EYS: variants seen among roughly 807,000 people sequenced by gnomAD.
EYS encodes the protein EGF-like photoreceptor maintenance factor, also known as protein eyes shut homolog.
EYS carries 250 observed loss-of-function variants against 282.1 expected under a neutral mutation model. That is an observed-to-expected ratio of 0.89 (90% CI 0.80 to 0.98). EYS has a LOEUF of 0.98. EYS is among the 50% of genes least tolerant of loss of function. EYS has a pLI of 0.00. For missense variants in EYS, 4,016 were observed against 3,709.0 expected (o/e 1.08, Z -2.15); for synonymous variants, 1,355 against 1,282.9 (o/e 1.06, Z -1.20).
chr6:65,603,742 G>C (rs1370094906), intron 2 of EYS, among the ~76,000 whole-genome samples: 1 of 150,624 alleles, frequency 6.6e-6, no homozygotes, highest in Non-Finnish European at 1.5e-5. Context: ...AAACATTTTA[G>C]GTTTCTATTC....
chr6:63,892,884 G>GA (rs1227934709), intron 35 of EYS, among the ~76,000 whole-genome samples: 2 of 151,890 alleles, frequency 1.3e-5, no homozygotes, highest in African/African-American at 2.4e-5. Context: ...AAATTTACAA[G>GA]AAAAAAACCA....
intron 33 of EYS, among the ~76,000 whole-genome samples, chr6:64,033,852 A>C (rs1398114273): frequency 2.0e-5 from 3 of 151,880 alleles, no homozygotes; most frequent in African/African-American, 4.8e-5. Context: ...CTCTCTATAT[A>C]TATATATATA....
intron 15 of EYS, among the ~76,000 whole-genome samples, chr6:64,923,081 G>T (rs1562260503): frequency 6.6e-6 from 1 of 152,070 alleles, no homozygotes; most frequent in African/African-American, 2.4e-5. Flanking sequence ...ATTTGGCTTT[G>T]CTTCTGGGTA....
At chr6:65,196,938 GGGTGCCAGCAGTGA>G (rs749374985) in intron 12 of EYS, among the ~76,000 whole-genome samples, 8 of 152,050 alleles carry the variant, frequency 5.3e-5, no homozygotes, top group Non-Finnish European at 8.8e-5. Flanking sequence ...GGCTGCAATG[GGGTGCCAGCAGTGA>G]GTTAGTCAAA....
intron 22 of EYS, among the ~76,000 whole-genome samples, chr6:64,641,448 T>C (rs893549484): frequency 6.6e-6 from 1 of 152,122 alleles, no homozygotes; most frequent in Non-Finnish European, 1.5e-5. Flanking sequence ...GTTTGCCAAC[T>C]TTACATGGTA....
intron 31 of EYS, among the ~76,000 whole-genome samples, chr6:64,154,701 CAATTTTAA>C (rs1562228258): frequency 1.3e-5 from 2 of 151,784 alleles, no homozygotes; most frequent in African/African-American, 4.8e-5. Context: ...TTAAAGACAA[CAATTTTAA>C]AATTTTAAAA....
intron 31 of EYS, among the ~76,000 whole-genome samples, chr6:64,143,154 C>T (rs1774394458): frequency 6.6e-6 from 1 of 151,876 alleles, no homozygotes; most frequent in South Asian, 2.1e-4. Flanking sequence ...TCCGTGGTTG[C>T]CAAAGGATGA....
At chr6:64,736,972 A>T (rs1323320463) in intron 22 of EYS, among the ~76,000 whole-genome samples, 1 of 152,196 alleles carries the variant, frequency 6.6e-6, no homozygotes, top group Non-Finnish European at 1.5e-5. Flanking sequence ...TTACCTTATG[A>T]TGTTTCATTG....
At chr6:63,990,500 C>T (rs529854237) in intron 34 of EYS, among the ~76,000 whole-genome samples, 2 of 151,792 alleles carry the variant, frequency 1.3e-5, no homozygotes, top group South Asian at 2.1e-4. Context: ...CATGCAGACT[C>T]TTTGGGGAGC....
intron 22 of EYS, among the ~76,000 whole-genome samples, chr6:64,681,903 T>C (rs942869262): frequency 6.6e-6 from 1 of 152,162 alleles, no homozygotes; most frequent in Non-Finnish European, 1.5e-5. Flanking sequence ...TCCTTGGGAA[T>C]ACATGTTTTT....
chr6:64,225,165 T>C (rs1387442538), intron 31 of EYS, among the ~76,000 whole-genome samples: 2 of 152,076 alleles, frequency 1.3e-5, no homozygotes, highest in Non-Finnish European at 1.5e-5. Context: ...TTGATACATT[T>C]TCTAAGCTGA....
intron 2 of EYS, among the ~76,000 whole-genome samples, chr6:65,564,162 A>C (rs1437149775): frequency 2.6e-5 from 4 of 152,174 alleles, no homozygotes; most frequent in Non-Finnish European, 5.9e-5. Flanking sequence ...GCTCATAGAT[A>C]GGAATAACCA....
chr6:64,022,473 A>G (rs1214223691), intron 33 of EYS, among the ~76,000 whole-genome samples: 4 of 152,190 alleles, frequency 2.6e-5, no homozygotes, highest in African/African-American at 9.7e-5. Flanking sequence ...TACTTTTATA[A>G]TGTTATGCAA....
chr6:63,726,788 C>T lies in EYS; in HGVS notation c.8072-108G>A, dbSNP rs73441048. 2,397 of 1,033,212 alleles carry T rather than the reference C, an allele frequency of 2.3e-3. 43 individuals are homozygous for T. The African/African-American group carries it at 0.035, about 15-fold the overall frequency. 64.0% of individuals were successfully genotyped at this position (1,033,212 alleles called of 1,614,324 possible). A position where few individuals can be genotyped will look rare whatever the true frequency, so the allele number is the denominator to read the frequency against. ...GTAATTTTGTAATTTCAGGATTTAT[C>T]GCCCAAGAGTTGCTTGTAGGTGAGT... On this transcript the variant is annotated intron_variant, in intron 41 of 42. Transcript: ENST00000503581.
chr6:64,244,946 T>G (rs1253439211), intron 30 of EYS, among the ~76,000 whole-genome samples: 1 of 152,036 alleles, frequency 6.6e-6, no homozygotes, highest in Non-Finnish European at 1.5e-5. Context: ...TCATTTACAT[T>G]AGGTATATCT....
chr6:64,000,926 T>C (rs1259551758), intron 33 of EYS, among the ~76,000 whole-genome samples: 1 of 152,178 alleles, frequency 6.6e-6, no homozygotes. Flanking sequence ...CCTTAGGTGC[T>C]CTTTCTCAGA....
intron 31 of EYS, among the ~76,000 whole-genome samples, chr6:64,209,471 A>G (rs1422774539): frequency 6.6e-6 from 1 of 152,204 alleles, no homozygotes; most frequent in Non-Finnish European, 1.5e-5. Context: ...AACTGAATAT[A>G]CAATTCTGAG....
At chr6:65,093,887 C>T (rs969276325) in intron 12 of EYS, among the ~76,000 whole-genome samples, 3 of 151,508 alleles carry the variant, frequency 2.0e-5, no homozygotes, top group African/African-American at 7.3e-5. Flanking sequence ...CTATAAGAAA[C>T]CCACCTTAGC....
intron 5 of EYS, among the ~76,000 whole-genome samples, chr6:65,481,893 G>C (rs1257088452): frequency 1.3e-5 from 2 of 151,998 alleles, no homozygotes; most frequent in African/African-American, 4.8e-5. Context: ...ATTTATAGTA[G>C]GGTGGAGAAC....
Sources: allele counts gnomAD v4.1 joint callset (sites outside exome capture counted in the v4.1 genomes callset), GRCh38; gene constraint gnomAD v4.1.1; transcripts MANE v1.5; gene names NCBI Gene and HGNC (gene_info 2026-07-23, HGNC 2026-07-21).